The following TAFA4 variants were observed in gnomAD, a reference collection of about 807,000 sequenced individuals.
TAFA4 encodes chemokine-like protein TAFA-4.
Under a neutral mutation model 21.1 loss-of-function variants are expected in TAFA4, and 20 were observed. The observed-to-expected ratio is 0.95, with a 90% CI of 0.67 to 1.38. The LOEUF (loss-of-function observed/expected upper bound fraction) is 1.38, where lower values mean the gene tolerates loss of function less well. Among genes scored for constraint, TAFA4 ranks in the 40% most tolerant of loss-of-function variants. The probability of loss-of-function intolerance (pLI) is 0.00; values close to 1 mark genes in which losing one functional copy is unlikely to be tolerated. For missense variants in TAFA4, 211 were observed against 180.9 expected (o/e 1.17, Z -0.95); for synonymous variants, 71 against 67.4 (o/e 1.05, Z -0.26).
intron 3 of TAFA4, among the ~76,000 whole-genome samples, chr3:68,845,024 T>A (rs79587019): frequency 6.6e-6 from 1 of 152,180 alleles, no homozygotes; most frequent in African/African-American, 2.4e-5. Context: ...TCTGTAGAGA[T>A]CTACTAGGTC....
chr3:68,909,663 C>T lies in TAFA4; in HGVS notation c.-123+22577G>A, dbSNP rs151098711. Among the ~76,000 whole-genome samples the T allele has an allele frequency of 1.2e-3, 180 of 152,334 alleles. 2 individuals are homozygous for T. Among genetic ancestry groups the T allele is most frequent in the African/African-American group, 4.3e-3 (177 of 41,570 alleles). The stretch of plus-strand genomic sequence containing the variant: ...AATGGCCTTTAAGTGCTTTCCAGAT[C>T]TGCTAAAAGCCTTTTGCCTCTACTA... On this transcript the variant is annotated intron_variant, in intron 1 of 5. Coordinates refer to ENST00000295569, the MANE Select transcript of TAFA4 (RefSeq NM_182522.5).
At chr3:68,770,826 T>C (rs1379372399) in intron 3 of TAFA4, among the ~76,000 whole-genome samples, 1 of 152,218 alleles carries the variant, frequency 6.6e-6, no homozygotes, top group Non-Finnish European at 1.5e-5. Context: ...CCCTCGGGCC[T>C]GTGCCCATGG....
intron 3 of TAFA4, among the ~76,000 whole-genome samples, chr3:68,845,898 G>A (rs1028463888): frequency 6.6e-6 from 1 of 152,124 alleles, no homozygotes; most frequent in Non-Finnish European, 1.5e-5. Context: ...TTAGTCTGAT[G>A]GTCTTCCCTT....
chr3:68,916,960 C>T (rs1293594180), intron 1 of TAFA4, among the ~76,000 whole-genome samples: 3 of 152,164 alleles, frequency 2.0e-5, no homozygotes, highest in Non-Finnish European at 4.4e-5. Flanking sequence ...AAACATAGTC[C>T]TGATTCTGTA....
At position 68,880,824 on chromosome 3, in the gene TAFA4, T is replaced by A; in HGVS notation, c.36A>T (p.Ser12=). 1 of 1,613,496 alleles carries A rather than the reference T, an allele frequency of 6.2e-7. No homozygotes were observed. Among genetic ancestry groups the A allele is most frequent in the East Asian group, 2.2e-5 (1 of 44,822 alleles). The stretch of plus-strand genomic sequence containing the variant: ...GAAAGAGCCAGTGCGACAGCAACAC[T>A]GACTTAGCACAGACTCTCATCCTGG... ...RSPRMRVCAK[S]VLLSHWLFLA... is the part of the protein sequence containing the mutation. Residue 12 remains serine, a synonymous_variant, in exon 3 of 6, where the codon TCA becomes TCT. Transcript: ENST00000295569.
rs2089715918 is a variant in TAFA4 at position 68,890,098 on chromosome 3, G to T, written c.-122-4788C>A. On this transcript the variant is annotated intron_variant, in intron 1 of 5. Transcript: ENST00000295569. ...ATTAAATACATCCTGAAATATTTAA[G>T]AATAAAGAGGCAAATGCCTCCCATT... Among the ~76,000 whole-genome samples the T allele has an allele frequency of 2.0e-5, 3 of 152,070 alleles. No individual in the cohort carries two copies. In the South Asian group the frequency reaches 6.2e-4, roughly 31 times the overall value.
intron 3 of TAFA4, among the ~76,000 whole-genome samples, chr3:68,853,490 C>G (rs1704997096): frequency 6.6e-6 from 1 of 152,132 alleles, no homozygotes; most frequent in African/African-American, 2.4e-5. Context: ...AGTCCCATGT[C>G]TCTTTTGAAG....
At chr3:68,807,953 G>T (rs935561348) in intron 3 of TAFA4, among the ~76,000 whole-genome samples, 1 of 152,168 alleles carries the variant, frequency 6.6e-6, no homozygotes, top group African/African-American at 2.4e-5. Context: ...ATTATTGTAT[G>T]TGTCTTCTTT....
chr3:68,805,819 G>A (rs1210179019), intron 3 of TAFA4, among the ~76,000 whole-genome samples: 1 of 151,798 alleles, frequency 6.6e-6, no homozygotes, highest in Non-Finnish European at 1.5e-5. Flanking sequence ...GTGGGGGGAG[G>A]AGAGGGGGAT....
intron 1 of TAFA4, among the ~76,000 whole-genome samples, chr3:68,907,923 G>T (rs1423679206): frequency 6.6e-6 from 1 of 152,198 alleles, no homozygotes. Context: ...GGGGGACAGG[G>T]TGAACACTCA....
intron 1 of TAFA4, among the ~76,000 whole-genome samples, chr3:68,916,519 A>C (rs2090006540): frequency 1.3e-5 from 2 of 152,192 alleles, no homozygotes; most frequent in Non-Finnish European, 2.9e-5. Flanking sequence ...CTGGATTTAC[A>C]GATTATTACC....
At chr3:68,773,965 A>C (rs1416007050) in intron 3 of TAFA4, among the ~76,000 whole-genome samples, 1 of 152,246 alleles carries the variant, frequency 6.6e-6, no homozygotes, top group Non-Finnish European at 1.5e-5. Flanking sequence ...TTGTCCAAAG[A>C]GTAGTTTTCA....
At chr3:68,819,090 T>C (rs1704052910) in intron 3 of TAFA4, among the ~76,000 whole-genome samples, 1 of 152,030 alleles carries the variant, frequency 6.6e-6, no homozygotes, top group Non-Finnish European at 1.5e-5. Context: ...CTGGGCAACA[T>C]GGCGAAAGCC....
chr3:68,898,316 G>A (rs1231306088), intron 1 of TAFA4, among the ~76,000 whole-genome samples: 1 of 152,228 alleles, frequency 6.6e-6, no homozygotes, highest in Non-Finnish European at 1.5e-5. Flanking sequence ...TCGTGTTTAA[G>A]TCAAGAGAAG....
chr3:68,781,741 A>T (rs1440993452), intron 3 of TAFA4, among the ~76,000 whole-genome samples: 9 of 152,196 alleles, frequency 5.9e-5, no homozygotes, highest in Non-Finnish European at 1.0e-4. Flanking sequence ...AATAGGAGGG[A>T]ACATTTACTA....
intron 1 of TAFA4, among the ~76,000 whole-genome samples, chr3:68,929,563 C>T (rs559564130): frequency 7.2e-5 from 11 of 152,212 alleles, no homozygotes; most frequent in African/African-American, 2.7e-4. Context: ...CCATCACCTA[C>T]GTGGCTATCT....
At chr3:68,914,517 C>T (rs2089986445) in intron 1 of TAFA4, among the ~76,000 whole-genome samples, 1 of 152,038 alleles carries the variant, frequency 6.6e-6, no homozygotes, top group Non-Finnish European at 1.5e-5. Context: ...TGTGATGTGA[C>T]CTTATGTGTA....
intron 3 of TAFA4, among the ~76,000 whole-genome samples, chr3:68,839,221 T>C (rs375105626): frequency 2.6e-5 from 4 of 151,980 alleles, no homozygotes; most frequent in African/African-American, 9.6e-5. Flanking sequence ...CAAAGGAAAA[T>C]AGTAAGGGCA....
chr3:68,814,463 G>C (rs1406729682), intron 3 of TAFA4, among the ~76,000 whole-genome samples: 3 of 152,142 alleles, frequency 2.0e-5, no homozygotes, highest in Non-Finnish European at 2.9e-5. Flanking sequence ...GGCAACTTCA[G>C]CAAAGTCTCA....
Sources: gnomAD v4.1 joint callset for allele counts (sites outside exome capture counted in the v4.1 genomes callset) on GRCh38, gnomAD v4.1.1 for gene constraint, MANE v1.5 for transcripts, NCBI Gene and HGNC (gene_info 2026-07-23, HGNC 2026-07-21) for gene names.